The following ZNF544 variants were observed in gnomAD, a reference collection of about 807,000 sequenced individuals.
ZNF544 encodes the protein zinc finger protein AF020591.
ZNF544 carries 10 observed loss-of-function variants against 13.5 expected under a neutral mutation model. The ratio of observed to expected loss-of-function variants is 0.74; its 90% CI spans 0.46 to 1.25. The LOEUF is 1.25. ZNF544 is among the 50% of genes most tolerant of loss of function. The pLI, the probability that ZNF544 is intolerant of heterozygous loss-of-function variation, is 0.00. For synonymous variants in ZNF544, 323 were observed against 300.5 expected (o/e 1.07, Z -0.77); for missense variants, 896 against 845.6 (o/e 1.06, Z -0.74).
rs1256809031 is a variant in ZNF544 at position 58,261,578 on chromosome 19, C to T, written c.972C>T (p.Thr324=). The T allele has an allele frequency of 8.1e-6, 13 of 1,614,128 alleles. No individual in the cohort carries two copies. The highest frequency in any genetic ancestry group is 1.1e-5 in the Non-Finnish European group (13 of 1,180,020). ...CAGAAAGAAGTGGCCCTGGAGAGAC[C>T]CCCTTCAGATGTGAGGAACGCTGTG... The part of the protein sequence containing the change: ...VQTERSGPGE[T]PFRCEERCAA... Residue 324 remains threonine (T), a synonymous_variant, in exon 7 of 7, where the codon ACC becomes ACT. Transcript: ENST00000687789.
At chr19:58,230,338 G>T (rs1316247819) in intron 2 of ZNF544, 56 bp from the exon 3 acceptor site, 2 of 152,198 alleles carry the variant, frequency 1.3e-5, no homozygotes, top group African/African-American at 4.8e-5. Flanking sequence ...CTCTGTAAAT[G>T]CAACTCAATT....
Position 58,246,396 on chromosome 19 carries a change from A to G in ZNF544, c.129A>G (p.Thr43=), listed in dbSNP as rs771054997. ...AGAGGACACTGTACCGAGAGGTGACACTGGAGACCTGGGAGCATATTGTCT... is the reference window on the plus strand; with the variant it reads ...AGAGGACACTGTACCGAGAGGTGACGCTGGAGACCTGGGAGCATATTGTCT... ...LAQRTLYREV[T]LETWEHIVSL... The change falls in exon 5 of 7, where the codon ACA becomes ACG. Residue 43 remains threonine, a synonymous_variant. Coordinates refer to ENST00000687789, the MANE Select transcript of ZNF544 (RefSeq NM_014480.4). 3 of 1,614,064 alleles carry G rather than the reference A, an allele frequency of 1.9e-6. No individual in the cohort carries two copies. The Admixed American group carries it at 5.0e-5, about 27-fold the overall frequency.
chr19:58,242,757 G>A (rs1209600782), intron 3 of ZNF544, among the ~76,000 whole-genome samples: 1 of 152,150 alleles, frequency 6.6e-6, no homozygotes, highest in African/African-American at 2.4e-5. Context: ...GAGTGCAGGG[G>A]TGCAATCTCG....
chr19:58,250,100 A>C (rs990529510), intron 6 of ZNF544, among the ~76,000 whole-genome samples: 16 of 152,266 alleles, frequency 1.1e-4, no homozygotes, highest in African/African-American at 3.6e-4. Context: ...GCTGGTAAAC[A>C]TAAGTAAGAA....
rs555662768 is a variant in ZNF544 at position 58,235,423 on chromosome 19, G to A, written c.-60+4961G>A. ...AGAACGTCATTATGGGGCACATGAC[G>A]GTAGGCACAAAATAGTAACAGTGGC... On this transcript the variant is annotated intron_variant, in intron 3 of 6. Coordinates refer to ENST00000687789, the MANE Select transcript of ZNF544 (RefSeq NM_014480.4). 3.9e-5 allele frequency among the ~76,000 whole-genome samples: 6 copies of A among 152,270 alleles called. No homozygotes were observed. The East Asian group carries it at 9.6e-4, about 24-fold the overall frequency.
intron 6 of ZNF544, among the ~76,000 whole-genome samples, chr19:58,254,023 G>GACCAT (rs2046768536): frequency 6.6e-6 from 1 of 152,146 alleles, no homozygotes; most frequent in Non-Finnish European, 1.5e-5. Flanking sequence ...AGGAGATCAA[G>GACCAT]ACCATCCTGG....
chr19:58,246,380 T>C lies in ZNF544; in HGVS notation c.113T>C (p.Leu38Pro). Residue 38 changes from leucine (L) to proline (P), a missense_variant, in exon 5 of 7, where the codon CTG becomes CCG. By Grantham distance (98) the Leu-to-Pro change is moderately conservative. Transcript: ENST00000687789. ...CAGCTGGACCTGGCCCAGAGGACAC[T>C]GTACCGAGAGGTGACACTGGAGACC... The part of the protein sequence containing the change: ...WEQLDLAQRT[L>P]YREVTLETWE... The C allele has an allele frequency of 1.2e-6, 2 of 1,614,114 alleles. No homozygotes were observed. The highest frequency in any genetic ancestry group is 1.3e-5 in the African/African-American group (1 of 75,026).
intron 5 of ZNF544, among the ~76,000 whole-genome samples, chr19:58,270,285 C>T (rs1300554025): frequency 6.7e-5 from 10 of 149,610 alleles, no homozygotes; most frequent in Non-Finnish European, 1.0e-4. Flanking sequence ...ATAGCTGTGA[C>T]GTGAACCCTA....
intron 3 of ZNF544, among the ~76,000 whole-genome samples, chr19:58,243,503 C>T (rs1332767015): frequency 6.6e-6 from 1 of 151,744 alleles, no homozygotes; most frequent in Non-Finnish European, 1.5e-5. Flanking sequence ...GTACTTCCAG[C>T]TGAGACCGAG....
chr19:58,273,412 CG>C (rs1218845161), intron 5 of ZNF544, among the ~76,000 whole-genome samples: 1 of 152,066 alleles, frequency 6.6e-6, no homozygotes, highest in Non-Finnish European at 1.5e-5. Context: ...AAGCCTAGGC[CG>C]GGAACGATGG....
chr19:58,270,212 T>G (rs746656413), intron 5 of ZNF544, among the ~76,000 whole-genome samples: 5 of 152,068 alleles, frequency 3.3e-5, no homozygotes, highest in Admixed American at 3.3e-4. Flanking sequence ...CTCATGAAAT[T>G]TGAATAAAGG....
intron 6 of ZNF544, chr19:58,259,136 C>A (rs1439400573): frequency 6.6e-6 from 1 of 152,250 alleles, no homozygotes; most frequent in African/African-American, 2.4e-5. Flanking sequence ...AGGCTAAGGA[C>A]CTGTCTGAAG....
chr19:58,272,691 T>C (rs2050773259), intron 5 of ZNF544, among the ~76,000 whole-genome samples: 2 of 151,984 alleles, frequency 1.3e-5, no homozygotes, highest in African/African-American at 4.8e-5. Flanking sequence ...AAGACCAGCC[T>C]GGCCAACATG....
At position 58,261,695 on chromosome 19, in the gene ZNF544, C is replaced by A; in HGVS notation, c.1089C>A (p.Phe363Leu). 1 of 1,614,200 alleles carries A rather than the reference C, an allele frequency of 6.2e-7. No homozygotes were observed. Among genetic ancestry groups the A allele is most frequent in the Non-Finnish European group, 8.5e-7 (1 of 1,180,034 alleles). Residue 363 changes from phenylalanine to leucine, a missense_variant, in exon 7 of 7, where the codon TTC (phenylalanine) becomes TTA (leucine). By Grantham distance (22) the Phe-to-Leu change is conservative (BLOSUM62 0). Coordinates refer to ENST00000687789, the MANE Select transcript of ZNF544 (RefSeq NM_014480.4). ...TGTGTAATCAGTGTGGAAAATCTTT[C>A]AGCTGTTGTAAGCTCATACACCAGA... ...PSVCNQCGKS[F>L]SCCKLIHQRT...
chr19:58,247,047 G>C (rs1266853939), intron 6 of ZNF544, among the ~76,000 whole-genome samples: 1 of 151,906 alleles, frequency 6.6e-6, no homozygotes, highest in Non-Finnish European at 1.5e-5. Flanking sequence ...AACCATTTAG[G>C]CCTCTTTACT....
Position 58,246,698 on chromosome 19 carries a change from C to A in ZNF544, c.161-13C>A. On this transcript the variant is annotated splice_polypyrimidine_tract_variant and intron_variant, in intron 5 of 6. Coordinates refer to ENST00000687789, the MANE Select transcript of ZNF544 (RefSeq NM_014480.4). ...CAAGCAGAGGGGCAAGTCCTTTTTC[C>A]GTCTTTGACCAGGGCTTTTCCTTTC... 1.2e-6 allele frequency: 2 copies of A among 1,613,210 alleles called. No homozygotes were observed. The highest frequency in any genetic ancestry group is 2.2e-5 in the South Asian group (2 of 91,018).
chr19:58,248,049 G>GT (rs1387099940), intron 6 of ZNF544, among the ~76,000 whole-genome samples: 3 of 151,840 alleles, frequency 2.0e-5, no homozygotes, highest in African/African-American at 7.3e-5. Context: ...AACTAACTGG[G>GT]ACTACAGGCA....
chr19:58,231,542 C>T (rs2041223029), intron 3 of ZNF544, among the ~76,000 whole-genome samples: 1 of 151,962 alleles, frequency 6.6e-6, no homozygotes, highest in Non-Finnish European at 1.5e-5. Flanking sequence ...GATCATAGGC[C>T]CCGGTGTGTT....
intron 2 of ZNF544, chr19:58,229,905 T>A (rs2040844371): frequency 6.6e-6 from 1 of 152,628 alleles, no homozygotes; most frequent in East Asian, 1.9e-4. Flanking sequence ...TAAGGAGGGA[T>A]GCCAAAAGAC....
Sources: gnomAD v4.1 joint callset for allele counts (sites outside exome capture counted in the v4.1 genomes callset) on GRCh38, gnomAD v4.1.1 for gene constraint, MANE v1.5 for transcripts, NCBI Gene and HGNC (gene_info 2026-07-23, HGNC 2026-07-21) for gene names.